The following CSMD3 variants were observed in gnomAD, a reference collection of about 807,000 sequenced individuals.
CSMD3 encodes the protein CUB and sushi domain-containing protein 3.
In CSMD3, 177 loss-of-function variants were observed where a neutral mutation model predicts 435.2. The observed-to-expected ratio is 0.41, with a 90% CI of 0.36 to 0.46. The LOEUF (loss-of-function observed/expected upper bound fraction) is 0.46. Among genes scored for constraint, CSMD3 ranks in the 20% least tolerant of loss-of-function variants. The pLI is 0.34. For missense variants in CSMD3, 4,265 were observed against 4,504.6 expected (o/e 0.95, Z 1.52); for synonymous variants, 1,656 against 1,520.5 (o/e 1.09, Z -2.07).
At chr8:112,384,477 A>G (rs1429667262) in intron 36 of CSMD3, among the ~76,000 whole-genome samples, 1 of 152,188 alleles carries the variant, frequency 6.6e-6, no homozygotes, top group Non-Finnish European at 1.5e-5. Context: ...GACCCTCACA[A>G]CTACGGATGC....
intron 35 of CSMD3, among the ~76,000 whole-genome samples, chr8:112,406,183 A>G (rs1831840662): frequency 6.6e-6 from 1 of 152,146 alleles, no homozygotes; most frequent in African/African-American, 2.4e-5. Context: ...AATTAAAAAA[A>G]TAAAATAAAA....
intron 6 of CSMD3, among the ~76,000 whole-genome samples, chr8:112,980,851 C>T (rs565747097): frequency 9.6e-4 from 145 of 151,438 alleles, no homozygotes; most frequent in African/African-American, 3.1e-3. Flanking sequence ...AATCTGGCTA[C>T]CATAGTATTC....
chr8:112,815,803 AAAT>A lies in CSMD3; in HGVS notation c.1859+13880_1859+13882del, dbSNP rs2079359553. The stretch of plus-strand genomic sequence containing the variant: ...ATATGTAGCAAAAATCACAATGAAA[AAAT>A]AATGATGAACCACACAGAATAAATT... On this transcript the variant is annotated intron_variant, in intron 12 of 70. Transcript: ENST00000297405. Among the ~76,000 whole-genome samples the A allele has an allele frequency of 2.0e-5, 3 of 152,230 alleles. No individual in the cohort carries two copies. The South Asian group carries it at 6.2e-4, about 31-fold the overall frequency.
intron 3 of CSMD3, among the ~76,000 whole-genome samples, chr8:113,239,338 A>G (rs2093185689): frequency 6.6e-6 from 1 of 152,130 alleles, no homozygotes; most frequent in African/African-American, 2.4e-5. Context: ...ATGTATGCCT[A>G]CTGCATAGAG....
At chr8:113,052,596 T>C (rs1047151708) in intron 5 of CSMD3, among the ~76,000 whole-genome samples, 1 of 152,136 alleles carries the variant, frequency 6.6e-6, no homozygotes, top group African/African-American at 2.4e-5. Flanking sequence ...CTGGACAACG[T>C]AGCAAGACTC....
intron 1 of CSMD3, among the ~76,000 whole-genome samples, chr8:113,336,499 G>A (rs949167972): frequency 6.6e-6 from 1 of 152,058 alleles, no homozygotes; most frequent in Non-Finnish European, 1.5e-5. Context: ...TTTTTTAACT[G>A]CAATCAGGAT....
intron 27 of CSMD3, among the ~76,000 whole-genome samples, chr8:112,524,162 T>C (rs1187758357): frequency 6.6e-6 from 1 of 151,994 alleles, no homozygotes; most frequent in Non-Finnish European, 1.5e-5. Flanking sequence ...TTGTATCATA[T>C]CATATCATAT....
At chr8:112,489,937 C>A (rs1563607626) in intron 31 of CSMD3, among the ~76,000 whole-genome samples, 1 of 152,022 alleles carries the variant, frequency 6.6e-6, no homozygotes, top group Non-Finnish European at 1.5e-5. Context: ...TACTCAACAC[C>A]TGTTTTTCAG....
chr8:113,052,286 A>ATT (rs1176083867), intron 5 of CSMD3, among the ~76,000 whole-genome samples: 1 of 152,120 alleles, frequency 6.6e-6, no homozygotes, highest in African/African-American at 2.4e-5. Flanking sequence ...TAAGGGTAAC[A>ATT]TTTTCTTTTG....
chr8:113,093,156 G>A (rs2090059452), intron 5 of CSMD3, among the ~76,000 whole-genome samples: 1 of 152,048 alleles, frequency 6.6e-6, no homozygotes, highest in African/African-American at 2.4e-5. Flanking sequence ...TTTGAGCAAA[G>A]ATATGTGTAC....
At chr8:112,805,678 CAA>C (rs2079068712) in intron 12 of CSMD3, among the ~76,000 whole-genome samples, 1 of 152,170 alleles carries the variant, frequency 6.6e-6, no homozygotes, top group African/African-American at 2.4e-5. Context: ...CCATCCTCTG[CAA>C]AGTTTTTTCT....
chr8:112,952,952 A>G (rs1317324969), intron 8 of CSMD3, among the ~76,000 whole-genome samples: 1 of 151,418 alleles, frequency 6.6e-6, no homozygotes, highest in Admixed American at 6.6e-5. Context: ...AAGTGGAAAT[A>G]ATATATATTT....
chr8:113,010,924 T>A (rs1031201153), intron 6 of CSMD3, among the ~76,000 whole-genome samples: 1 of 151,590 alleles, frequency 6.6e-6, no homozygotes, highest in African/African-American at 2.4e-5. Context: ...AAATCCTAAA[T>A]CCTGTGACGA....
Position 112,506,743 on chromosome 8 carries a change from C to A in CSMD3, c.4843G>T (p.Asp1615Tyr), listed in dbSNP as rs1243600702. The part of the protein sequence containing the change: ...PHPYPHSRDC[D>Y]WTITVNADYV... ...TCTGCATTGACGGTGATAGTCCAGTCACAGTCTCTGCTATGCGGATATGGA... is the reference window on the plus strand; with the variant it reads ...TCTGCATTGACGGTGATAGTCCAGTAACAGTCTCTGCTATGCGGATATGGA... The change falls in exon 29 of 71, where the codon GAC becomes TAC. Residue 1615 changes from aspartate to tyrosine, a missense_variant. Asp to Tyr is a radical substitution (Grantham distance 160, BLOSUM62 -3). This residue lies in a region of CSMD3 where 3,255 missense variants were observed against 3,380.2 expected (regional missense o/e 0.96). Transcript: ENST00000297405. The A allele has an allele frequency of 1.9e-6, 3 of 1,613,612 alleles. No homozygotes were observed. Among genetic ancestry groups the A allele is most frequent in the Non-Finnish European group, 1.7e-6 (2 of 1,179,640 alleles).
intron 9 of CSMD3, among the ~76,000 whole-genome samples, chr8:112,929,543 T>G (rs575742604): frequency 6.6e-6 from 1 of 152,204 alleles, no homozygotes; most frequent in African/African-American, 2.4e-5. Flanking sequence ...GCTTTATCTC[T>G]TATATATAAC....
chr8:113,394,214 C>T (rs2094473514), intron 1 of CSMD3, among the ~76,000 whole-genome samples: 1 of 151,312 alleles, frequency 6.6e-6, no homozygotes, highest in Admixed American at 6.6e-5. Flanking sequence ...GGTAAACATA[C>T]TTGGGAAATT....
chr8:113,383,304 C>A (rs963154755), intron 1 of CSMD3, among the ~76,000 whole-genome samples: 3 of 152,096 alleles, frequency 2.0e-5, no homozygotes, highest in Non-Finnish European at 4.4e-5. Flanking sequence ...CTGTGCAAAT[C>A]TGTGCTGTAG....
chr8:113,324,523 C>G (rs1430712761), intron 1 of CSMD3, among the ~76,000 whole-genome samples: 2 of 152,176 alleles, frequency 1.3e-5, no homozygotes, highest in African/African-American at 2.4e-5. Flanking sequence ...AAGTAAAGAA[C>G]TGGGGTTTGG....
At chr8:112,682,760 A>T (rs1287878924) in intron 15 of CSMD3, 124 bp from the exon 16 acceptor site, 3 of 742,418 alleles carry the variant, frequency 4.0e-6, no homozygotes, top group African/African-American at 1.8e-5. Flanking sequence ...TTATTTCTAC[A>T]CAAGTTTTTA....
Sources: allele counts gnomAD v4.1 joint callset (sites outside exome capture counted in the v4.1 genomes callset), GRCh38; gene constraint gnomAD v4.1.1; regional missense constraint gnomAD v4.1.1; transcripts MANE v1.5; gene names NCBI Gene and HGNC (gene_info 2026-07-23, HGNC 2026-07-21).